The following CECR2 variants were observed in gnomAD, a reference collection of about 807,000 sequenced individuals.
CECR2 encodes chromatin remodeling regulator CECR2.
Under a neutral mutation model 154.5 loss-of-function variants are expected in CECR2, and 30 were observed. That is an observed-to-expected ratio of 0.19 (90% CI 0.15 to 0.26). CECR2 has a LOEUF of 0.26. Ranked by LOEUF, CECR2 falls within the 10% of genes least tolerant of loss-of-function variation. The pLI is 1.00. For synonymous variants in CECR2, 725 were observed against 683.7 expected, an observed-to-expected ratio of 1.06 and a Z score of -0.94; for missense variants, 1,743 against 1,829.3, an observed-to-expected ratio of 0.95 and a Z score of 0.86.
At chr22:17,387,012 G>A (rs2063270980) in intron 1 of CECR2, among the ~76,000 whole-genome samples, 2 of 152,056 alleles carry the variant, frequency 1.3e-5, no homozygotes, top group Admixed American at 1.3e-4. Flanking sequence ...TTGATTGTTT[G>A]GAATACTTCA....
intron 1 of CECR2, among the ~76,000 whole-genome samples, chr22:17,430,243 T>C (rs184249557): frequency 2.5e-4 from 38 of 152,316 alleles, no homozygotes; most frequent in Non-Finnish European, 5.1e-4. Context: ...CAGTTCTATA[T>C]GAAAAATGCA....
intron 1 of CECR2, among the ~76,000 whole-genome samples, chr22:17,382,601 A>T (rs1813174523): frequency 6.6e-6 from 1 of 152,212 alleles, no homozygotes; most frequent in Non-Finnish European, 1.5e-5. Context: ...TAATGTATAT[A>T]CCTTAATTAA....
chr22:17,396,019 C>T (rs548300985), intron 1 of CECR2, among the ~76,000 whole-genome samples: 163 of 151,026 alleles, frequency 1.1e-3, no homozygotes, highest in African/African-American at 3.4e-3. Flanking sequence ...GTAGGTGGAT[C>T]ACTTGAGTTT....
intron 8 of CECR2, among the ~76,000 whole-genome samples, chr22:17,514,344 G>A (rs1301756263): frequency 1.3e-5 from 2 of 152,182 alleles, no homozygotes; most frequent in Non-Finnish European, 2.9e-5. Context: ...AGAGGGGAGC[G>A]TGTAAGGGCA....
At chr22:17,483,326 G>A (rs2055361689) in intron 2 of CECR2, among the ~76,000 whole-genome samples, 1 of 152,234 alleles carries the variant, frequency 6.6e-6, no homozygotes, top group Admixed American at 6.5e-5. Flanking sequence ...CTGGGAGGAT[G>A]AGGTGAGAGG....
At chr22:17,375,450 G>C (rs2063107417) in intron 1 of CECR2, among the ~76,000 whole-genome samples, 1 of 152,180 alleles carries the variant, frequency 6.6e-6, no homozygotes, top group African/African-American at 2.4e-5. Flanking sequence ...ACATTAGGCA[G>C]TGTACTAGGT....
At chr22:17,462,596 C>T (rs971050401) in intron 1 of CECR2, among the ~76,000 whole-genome samples, 14 of 152,004 alleles carry the variant, frequency 9.2e-5, no homozygotes, top group South Asian at 4.2e-4. Context: ...TTGGAAGTCC[C>T]GGTGAGAAGT....
intron 1 of CECR2, among the ~76,000 whole-genome samples, chr22:17,421,654 A>G (rs1190959225): frequency 2.3e-5 from 3 of 129,480 alleles, no homozygotes; most frequent in African/African-American, 8.8e-5. Context: ...TTAGCCAGGC[A>G]TGGTGGCAGG....
chr22:17,472,402 G>C (rs1407477992), intron 1 of CECR2, among the ~76,000 whole-genome samples: 1 of 152,190 alleles, frequency 6.6e-6, no homozygotes, highest in African/African-American at 2.4e-5. Context: ...GATAGCAGCT[G>C]GGACAGTCCT....
At chr22:17,465,588 G>A (rs1413834561) in intron 1 of CECR2, among the ~76,000 whole-genome samples, 1 of 152,184 alleles carries the variant, frequency 6.6e-6, no homozygotes, top group Middle Eastern at 3.4e-3. Flanking sequence ...GGGTTCAAAC[G>A]ATTCTCCTGG....
rs937013825 is a variant in CECR2, at chr22:17,554,619, T to C, written c.*1779T>C. On this transcript the variant is annotated 3_prime_UTR_variant, in exon 19 of 19. Transcript: ENST00000262608. ...GGCTCAGGCAGATTTGAGAGTTGAG[T>C]AGGGAACACAGGTGCCTCTAAGGTA... is the stretch of plus-strand genomic sequence containing the variant. 2.0e-5 allele frequency: 3 copies of C among 152,148 alleles called. No homozygotes were observed. Among genetic ancestry groups the C allele is most frequent in the African/African-American group, 7.2e-5 (3 of 41,434 alleles). 9.4% of individuals were successfully genotyped at this position (152,148 alleles called of 1,614,324 possible).
intron 8 of CECR2, among the ~76,000 whole-genome samples, chr22:17,516,232 T>TAC (rs1172934521): frequency 1.3e-5 from 2 of 151,872 alleles, no homozygotes; most frequent in Non-Finnish European, 2.9e-5. Context: ...TATATATCCA[T>TAC]ACACACACAC....
chr22:17,474,839 T>G (rs1347508214), intron 1 of CECR2, among the ~76,000 whole-genome samples: 1 of 152,194 alleles, frequency 6.6e-6, no homozygotes, highest in Non-Finnish European at 1.5e-5. Flanking sequence ...TGTTATTTAT[T>G]TATTTCTGTA....
intron 3 of CECR2, among the ~76,000 whole-genome samples, chr22:17,498,641 C>T (rs940760974): frequency 5.3e-5 from 8 of 152,178 alleles, no homozygotes; most frequent in Non-Finnish European, 1.0e-4. Flanking sequence ...ATTGGGAGCC[C>T]TGTCACTGGA....
chr22:17,529,019 G>C (rs530937539), intron 9 of CECR2, among the ~76,000 whole-genome samples: 3 of 151,964 alleles, frequency 2.0e-5, no homozygotes, highest in Non-Finnish European at 4.4e-5. Context: ...CCCCTTGAGC[G>C]CAGGAGATCG....
At chr22:17,479,961 G>A (rs2055278289) in intron 2 of CECR2, among the ~76,000 whole-genome samples, 1 of 151,778 alleles carries the variant, frequency 6.6e-6, no homozygotes, top group Non-Finnish European at 1.5e-5. Context: ...GACAAGGTCT[G>A]TGTTCCCTGG....
chr22:17,412,051 T>A (rs1245031037), intron 1 of CECR2, among the ~76,000 whole-genome samples: 1 of 152,248 alleles, frequency 6.6e-6, no homozygotes, highest in African/African-American at 2.4e-5. Context: ...CCTTAGGATG[T>A]AACTTTATAG....
At chr22:17,398,587 CCA>C in intron 1 of CECR2, among the ~76,000 whole-genome samples, 1 of 152,164 alleles carries the variant, frequency 6.6e-6, no homozygotes, top group Non-Finnish European at 1.5e-5. Context: ...CTGGTGCCAT[CCA>C]CAGTGCTTCT....
intron 9 of CECR2, among the ~76,000 whole-genome samples, chr22:17,530,399 C>A (rs367813902): frequency 2.6e-3 from 392 of 151,894 alleles, no homozygotes; most frequent in Non-Finnish European, 4.6e-3. Context: ...TAAGGCCAGG[C>A]GCGGTGGCTC....
Sources: gnomAD v4.1 joint callset for allele counts (sites outside exome capture counted in the v4.1 genomes callset) on GRCh38, gnomAD v4.1.1 for gene constraint, MANE v1.5 for transcripts, NCBI Gene and HGNC (gene_info 2026-07-23, HGNC 2026-07-21) for gene names.